The following SHANK2 variants were observed in gnomAD, a reference collection of about 807,000 sequenced individuals.
SHANK2 encodes the protein SH3 and multiple ankyrin repeat domains protein 2.
A neutral mutation model predicts 133.7 loss-of-function variants in SHANK2; 43 were observed. That is an observed-to-expected ratio of 0.32 (90% confidence interval 0.25 to 0.41). The LOEUF (loss-of-function observed/expected upper bound fraction) is 0.41, where lower values mean the gene tolerates loss of function less well. Ranked by LOEUF, SHANK2 falls within the 10% of genes least tolerant of loss-of-function variation. The pLI is 1.00. For synonymous variants in SHANK2, 1,017 were observed against 952.8 expected (o/e 1.07, Z -1.24); for missense variants, 1,994 against 2,235.8 (o/e 0.89, Z 2.18).
intron 17 of SHANK2, among the ~76,000 whole-genome samples, chr11:70,575,485 C>G (rs1047784393): frequency 3.4e-5 from 5 of 148,510 alleles, no homozygotes; most frequent in African/African-American, 1.3e-4. Context: ...TGCCACTGCA[C>G]TCCAGCCAGG....
intron 9 of SHANK2, among the ~76,000 whole-genome samples, chr11:71,063,890 T>C (rs1417513069): frequency 6.6e-6 from 1 of 152,208 alleles, no homozygotes; most frequent in Non-Finnish European, 1.5e-5. Context: ...GGGCTCGCAC[T>C]GTGCCCGCTG....
intron 14 of SHANK2, among the ~76,000 whole-genome samples, chr11:70,717,598 G>T (rs190028768): frequency 6.6e-6 from 1 of 152,126 alleles, no homozygotes; most frequent in Non-Finnish European, 1.5e-5. Flanking sequence ...CAAGTCCCAC[G>T]GTCCTCCCGT....
intron 17 of SHANK2, among the ~76,000 whole-genome samples, chr11:70,652,348 A>G (rs782453024): frequency 4.6e-5 from 7 of 152,218 alleles, no homozygotes; most frequent in East Asian, 1.9e-4. Context: ...TACTTGGCAC[A>G]TGGTGGGTGT....
chr11:70,791,417 T>G (rs1253754240), intron 14 of SHANK2, among the ~76,000 whole-genome samples: 1 of 152,194 alleles, frequency 6.6e-6, no homozygotes, highest in African/African-American at 2.4e-5. Flanking sequence ...AACATAGTCA[T>G]ATGTGGCACT....
intron 17 of SHANK2, among the ~76,000 whole-genome samples, chr11:70,614,389 T>C (rs2060710441): frequency 6.6e-6 from 1 of 151,564 alleles, no homozygotes. Flanking sequence ...CAGCTCACTG[T>C]AACCTCCGCC....
intron 10 of SHANK2, among the ~76,000 whole-genome samples, chr11:70,902,249 T>C (rs1440148172): frequency 6.6e-6 from 1 of 152,244 alleles, no homozygotes; most frequent in Non-Finnish European, 1.5e-5. Flanking sequence ...CTTCCGTATC[T>C]GCTGGCTGGG....
intron 1 of SHANK2, among the ~76,000 whole-genome samples, chr11:71,251,240 G>A (rs1257053940): frequency 6.6e-6 from 1 of 152,198 alleles, no homozygotes; most frequent in Admixed American, 6.5e-5. Context: ...CCCACGGAAA[G>A]GCAAGCCTCG....
intron 10 of SHANK2, among the ~76,000 whole-genome samples, chr11:70,933,881 G>C (rs1317918248): frequency 9.9e-5 from 14 of 140,920 alleles, no homozygotes; most frequent in Non-Finnish European, 2.0e-4. Flanking sequence ...GCCTAGGTGA[G>C]AGAGCAAGAC....
chr11:70,505,772 C>T (rs781800947), intron 17 of SHANK2, among the ~76,000 whole-genome samples: 6 of 152,132 alleles, frequency 3.9e-5, no homozygotes, highest in Non-Finnish European at 7.4e-5. Flanking sequence ...GAGGGCTCGT[C>T]GGGCTGATGG....
At chr11:70,726,247 A>T (rs1225976121) in intron 14 of SHANK2, among the ~76,000 whole-genome samples, 1 of 152,154 alleles carries the variant, frequency 6.6e-6, no homozygotes, top group African/African-American at 2.4e-5. Context: ...GAGGGACCTG[A>T]GCTCCCTGGG....
intron 11 of SHANK2, among the ~76,000 whole-genome samples, chr11:70,831,364 G>GGTCA (rs1192206721): frequency 9.9e-5 from 15 of 152,224 alleles, no homozygotes; most frequent in African/African-American, 3.1e-4. Flanking sequence ...AAAGGAAAAG[G>GGTCA]GTCACCCCCA....
intron 9 of SHANK2, among the ~76,000 whole-genome samples, chr11:71,072,927 T>C (rs1457820759): frequency 6.6e-6 from 1 of 151,636 alleles, no homozygotes; most frequent in Admixed American, 6.6e-5. Flanking sequence ...GGGGACAGAG[T>C]TTCAATTTTG....
Position 71,080,534 on chromosome 11 carries a change from G to C in SHANK2, c.913-5259C>G, listed in dbSNP as rs1228077218. On this transcript the variant is annotated intron_variant, in intron 8 of 25. Transcript: ENST00000601538. ...GCGGGGAGGTCACTGCACTGCAGGG[G>C]AGCAGCACAGGTCGGCTGAGACGAA... Among the ~76,000 whole-genome samples, 3 of 152,288 alleles carry C rather than the reference G, an allele frequency of 2.0e-5. No individual in the cohort carries two copies. In the East Asian group the frequency reaches 5.8e-4, roughly 29 times the overall value.
intron 14 of SHANK2, among the ~76,000 whole-genome samples, chr11:70,721,986 C>CA (rs1444542847): frequency 1.3e-5 from 2 of 152,250 alleles, no homozygotes; most frequent in African/African-American, 4.8e-5. Flanking sequence ...GGTGTGAGTG[C>CA]ACCTCATGTG....
intron 3 of SHANK2, among the ~76,000 whole-genome samples, chr11:71,124,193 G>A (rs1361744061): frequency 4.6e-5 from 4 of 86,722 alleles, no homozygotes; most frequent in African/African-American, 5.3e-5. Context: ...TGATGGTGAT[G>A]GTGATGATGG....
intron 11 of SHANK2, among the ~76,000 whole-genome samples, chr11:70,848,112 G>A (rs1291713238): frequency 6.6e-6 from 1 of 152,256 alleles, no homozygotes; most frequent in Non-Finnish European, 1.5e-5. Flanking sequence ...CACAGCCAAT[G>A]AAACAGAAGA....
At chr11:70,658,689 C>A (rs2061442695) in intron 17 of SHANK2, among the ~76,000 whole-genome samples, 1 of 152,210 alleles carries the variant, frequency 6.6e-6, no homozygotes, top group African/African-American at 2.4e-5. Flanking sequence ...AGATCACTAG[C>A]AGAATCATAG....
intron 10 of SHANK2, among the ~76,000 whole-genome samples, chr11:70,925,104 G>A (rs1950408807): frequency 6.6e-6 from 1 of 152,186 alleles, no homozygotes; most frequent in Non-Finnish European, 1.5e-5. Flanking sequence ...GCAGAGGGGA[G>A]TATGTGTGGG....
intron 17 of SHANK2, among the ~76,000 whole-genome samples, chr11:70,554,683 T>C (rs539145331): frequency 2.3e-4 from 35 of 152,202 alleles, no homozygotes; most frequent in Admixed American, 5.2e-4. Context: ...TTCTGGGCAT[T>C]GTATATTCGT....
Sources: allele counts gnomAD v4.1 joint callset (sites outside exome capture counted in the v4.1 genomes callset), GRCh38; gene constraint gnomAD v4.1.1; transcripts MANE v1.5; gene names NCBI Gene and HGNC (gene_info 2026-07-23, HGNC 2026-07-21).